The following CCDC66 variants were observed in gnomAD, a reference collection of about 807,000 sequenced individuals.
CCDC66 encodes the protein coiled-coil domain containing 66, also known as coiled-coil domain-containing protein 66.
A neutral mutation model predicts 128.3 loss-of-function variants in CCDC66; 133 were observed. That is an observed-to-expected ratio of 1.04 (90% CI 0.90 to 1.20). The LOEUF (loss-of-function observed/expected upper bound fraction) is 1.20, where lower values mean the gene tolerates loss of function less well. Among genes scored for constraint, CCDC66 ranks in the 50% most tolerant of loss-of-function variants. CCDC66 has a pLI of 0.00. For missense variants in CCDC66, 1,126 were observed against 1,075.5 expected (o/e 1.05, Z -0.66); for synonymous variants, 387 against 357.0 (o/e 1.08, Z -0.95).
intron 17 of CCDC66, chr3:56,621,153 C>CATCT (rs2076496063): frequency 7.1e-6 from 1 of 140,618 alleles, no homozygotes; most frequent in Admixed American, 7.0e-5. Context: ...AGCGAGACTC[C>CATCT]ATCTCCAAAA....
At chr3:56,580,865 G>T (rs2068241270) in intron 7 of CCDC66, among the ~76,000 whole-genome samples, 1 of 151,564 alleles carries the variant, frequency 6.6e-6, no homozygotes, top group South Asian at 2.1e-4. Flanking sequence ...TTCAACTTTG[G>T]TGAATCTGAC....
Position 56,563,825 on chromosome 3 carries a change from G to C in CCDC66, c.244G>C (p.Gly82Arg). ...PVGSETSQAK[G>R]EKNGMTFSST... Reference sequence around the variant, plus strand: ...TGGTTCAGAAACATCACAGGCAAAAGGTGAAAAAAATGGAATGACTTTTTC... The same window carrying C: ...TGGTTCAGAAACATCACAGGCAAAACGTGAAAAAAATGGAATGACTTTTTC... Residue 82 changes from glycine (G) to arginine (R), a missense_variant, in exon 4 of 18, where the codon GGT (glycine) becomes CGT (arginine). Coordinates refer to ENST00000394672, the MANE Select transcript of CCDC66 (RefSeq NM_001141947.3). 2 of 1,559,642 alleles carry C rather than the reference G, an allele frequency of 1.3e-6. No individual in the cohort carries two copies. Among genetic ancestry groups the C allele is most frequent in the Non-Finnish European group, 1.7e-6 (2 of 1,150,954 alleles).
intron 10 of CCDC66, among the ~76,000 whole-genome samples, chr3:56,608,362 A>G (rs1221114261): frequency 1.3e-5 from 2 of 151,758 alleles, no homozygotes; most frequent in Non-Finnish European, 2.9e-5. Context: ...GGAGGGTTGT[A>G]TTTTTCCGGG....
chr3:56,600,968 A>G lies in CCDC66; in HGVS notation c.1404+6940A>G, dbSNP rs138570761. On this transcript the variant is annotated intron_variant, in intron 10 of 17. Coordinates refer to ENST00000394672, the MANE Select transcript of CCDC66 (RefSeq NM_001141947.3). ...ATGATAGTTTCTTTTGCTGTGCAGA[A>G]GTTCTTTAGTTTAATTAGATCCCAT... 9.5e-3 allele frequency among the ~76,000 whole-genome samples: 1,437 copies of G among 152,050 alleles called. 41 individuals carry two copies. Among genetic ancestry groups the G allele is most frequent in the African/African-American group, 0.032 (1,327 of 41,406 alleles).
chr3:56,579,175 A>G (rs1184637986), intron 7 of CCDC66, among the ~76,000 whole-genome samples: 3 of 151,544 alleles, frequency 2.0e-5, no homozygotes, highest in African/African-American at 7.3e-5. Context: ...TTTCTTCTAG[A>G]TTTTCTAGTT....
chr3:56,592,676 G>A (rs889412165), intron 7 of CCDC66, among the ~76,000 whole-genome samples: 3 of 151,940 alleles, frequency 2.0e-5, no homozygotes, highest in African/African-American at 7.3e-5. Context: ...AATTTTGAAA[G>A]TCTTTTAATT....
chr3:56,611,767 C>T (rs1410773426), intron 10 of CCDC66, among the ~76,000 whole-genome samples: 1 of 152,192 alleles, frequency 6.6e-6, no homozygotes, highest in Admixed American at 6.5e-5. Context: ...GCTACTTCCT[C>T]TACCCATGTA....
At position 56,559,078 on chromosome 3, in the gene CCDC66, A is replaced by G. The variant is rs1417069007; in HGVS notation, c.76+168A>G. Among the ~76,000 whole-genome samples, 5 of 152,184 alleles carry G rather than the reference A, an allele frequency of 3.3e-5. No homozygotes were observed. In the East Asian group the frequency reaches 9.6e-4, roughly 29 times the overall value. ...TTTCCTTCTAGCCAAATAAAATCAG[A>G]TTACAACACTGCTTACTACTGTCAG... On this transcript the variant is annotated intron_variant, in intron 2 of 17. Coordinates refer to ENST00000394672, the MANE Select transcript of CCDC66 (RefSeq NM_001141947.3).
chr3:56,605,575 G>T (rs2073947883), intron 10 of CCDC66, among the ~76,000 whole-genome samples: 1 of 151,982 alleles, frequency 6.6e-6, no homozygotes, highest in African/African-American at 2.4e-5. Context: ...TCCATATCCT[G>T]TTTGCCTGGG....
chr3:56,618,479 A>C, intron 15 of CCDC66: 1 of 382,918 alleles, frequency 2.6e-6, no homozygotes, highest in Non-Finnish European at 4.7e-6. Flanking sequence ...TATTCCAGGT[A>C]TGTCATTAGC....
intron 7 of CCDC66, among the ~76,000 whole-genome samples, chr3:56,586,830 G>C (rs1231163769): frequency 6.6e-6 from 1 of 151,794 alleles, no homozygotes; most frequent in Admixed American, 6.6e-5. Flanking sequence ...AAGAGTAGCT[G>C]CCTTGAGCCA....
chr3:56,617,372 G>C lies in CCDC66; in HGVS notation c.2104G>C (p.Asp702His), dbSNP rs201708617. The change falls in exon 14 of 18, where the codon GAT becomes CAT. Residue 702 changes from aspartate to histidine, a missense_variant. Physicochemically the swap from Asp to His is moderately conservative, Grantham distance 81. Transcript: ENST00000394672. ...KHMKKYPKRP[D>H]WNINKPPKRY... Reference sequence around the variant, plus strand: ...CATGAAGAAATATCCTAAAAGGCCTGATTGGAATATAAATAAGCCACCTAA... The same window carrying C: ...CATGAAGAAATATCCTAAAAGGCCTCATTGGAATATAAATAAGCCACCTAA... The C allele has an allele frequency of 2.3e-4, 364 of 1,613,700 alleles. No homozygotes were observed. Among genetic ancestry groups the C allele is most frequent in the Non-Finnish European group, 2.8e-4 (336 of 1,179,972 alleles).
chr3:56,607,007 A>AT (rs2074170665), intron 10 of CCDC66, among the ~76,000 whole-genome samples: 1 of 152,034 alleles, frequency 6.6e-6, no homozygotes, highest in South Asian at 2.1e-4. Flanking sequence ...CTATGTGCCT[A>AT]TTTTTATATG....
intron 17 of CCDC66, chr3:56,620,619 TC>T (rs1278591766): frequency 6.6e-6 from 1 of 152,154 alleles, no homozygotes; most frequent in Non-Finnish European, 1.5e-5. Flanking sequence ...TAGAAAATTG[TC>T]CCCCCACTTT....
chr3:56,568,237 G>A (rs1044365643), intron 6 of CCDC66, among the ~76,000 whole-genome samples: 8 of 152,160 alleles, frequency 5.3e-5, no homozygotes, highest in Non-Finnish European at 7.4e-5. Context: ...CAGCCATCTT[G>A]AAATGTGTCA....
intron 10 of CCDC66, among the ~76,000 whole-genome samples, chr3:56,607,043 G>A (rs1378933976): frequency 8.6e-5 from 13 of 152,038 alleles, no homozygotes; most frequent in Admixed American, 1.3e-4. Flanking sequence ...TGGTGACTGC[G>A]GCCTTATAGT....
In CCDC66 at chr3:56,603,381, G is replaced by T. The variant is rs148008539; in HGVS notation, c.1404+9353G>T. 6.0e-4 allele frequency among the ~76,000 whole-genome samples: 91 copies of T among 152,066 alleles called. 1 individual carries two copies. The highest frequency in any genetic ancestry group is 3.4e-3 in the Middle Eastern group (1 of 294). ...TAGTTCTTTTAGTTGTGATGTTAGG[G>T]TGTCAATTTTAGATCTTTCCTGCTT... On this transcript the variant is annotated intron_variant, in intron 10 of 17. Coordinates refer to ENST00000394672, the MANE Select transcript of CCDC66 (RefSeq NM_001141947.3).
intron 10 of CCDC66, 83 bp downstream of exon 10, chr3:56,594,111 T>A (rs1465766075): frequency 1.6e-6 from 2 of 1,285,122 alleles, no homozygotes; most frequent in Non-Finnish European, 2.3e-6. Flanking sequence ...GAAATTTAAA[T>A]TCTGATGTAA....
At chr3:56,618,435 A>G (rs1302000520) in intron 15 of CCDC66, 2 of 461,192 alleles carry the variant, frequency 4.3e-6, no homozygotes, top group African/African-American at 3.9e-5. Flanking sequence ...GATAACATTT[A>G]CTTTTATCTC....
Sources: gnomAD v4.1 joint callset for allele counts (sites outside exome capture counted in the v4.1 genomes callset) on GRCh38, gnomAD v4.1.1 for gene constraint, MANE v1.5 for transcripts, NCBI Gene and HGNC (gene_info 2026-07-23, HGNC 2026-07-21) for gene names.